Variants in ADGRL4 observed in about 807,000 individuals in gnomAD.
ADGRL4 encodes adhesion G protein-coupled receptor L4.
ADGRL4 carries 90 observed loss-of-function variants against 74.8 expected under a neutral mutation model. That is an observed-to-expected ratio of 1.20 (90% confidence interval 1.02 to 1.43). The LOEUF (loss-of-function observed/expected upper bound fraction) is 1.43. Among genes scored for constraint, ADGRL4 ranks in the 40% most tolerant of loss-of-function variants. The pLI is 0.00. For synonymous variants in ADGRL4, 311 were observed against 279.2 expected, an observed-to-expected ratio of 1.11 and a Z score of -1.14; for missense variants, 881 against 814.3, an observed-to-expected ratio of 1.08 and a Z score of -1.00.
chr1:78,896,688 T>C lies in ADGRL4; in HGVS notation c.1750-3499A>G, dbSNP rs567530449. Among the ~76,000 whole-genome samples, 6 of 152,232 alleles carry C rather than the reference T, an allele frequency of 3.9e-5. No homozygotes were observed. In the South Asian group the frequency reaches 1.2e-3, roughly 32 times the overall value. On this transcript the variant is annotated intron_variant, in intron 12 of 14. Coordinates refer to ENST00000370742, the MANE Select transcript of ADGRL4 (RefSeq NM_022159.4). ...CTGCCATCCTTATCTTCCTATAATCTATCTCATAATAACAGTCAGACTGAT... is the reference window on the plus strand; with the variant it reads ...CTGCCATCCTTATCTTCCTATAATCCATCTCATAATAACAGTCAGACTGAT...
chr1:78,910,991 G>A (rs750059723), intron 12 of ADGRL4, among the ~76,000 whole-genome samples: 7 of 151,684 alleles, frequency 4.6e-5, no homozygotes, highest in Admixed American at 1.3e-4. Context: ...TTATCTGAAC[G>A]GATTAAAAGC....
intron 6 of ADGRL4, 73 bp from the exon 7 acceptor site, chr1:78,936,484 G>C: frequency 7.9e-7 from 1 of 1,273,304 alleles, no homozygotes; most frequent in Non-Finnish European, 1.1e-6. Flanking sequence ...TATTAGCTTA[G>C]AGACAATTTC....
chr1:78,921,706 G>A lies in ADGRL4; in HGVS notation c.1164C>T (p.Gly388=). The A allele has an allele frequency of 1.9e-6, 3 of 1,604,128 alleles. No homozygotes were observed. Among genetic ancestry groups the A allele is most frequent in the Non-Finnish European group, 2.6e-6 (3 of 1,175,000 alleles). Residue 388 remains glycine, a synonymous_variant, in exon 9 of 15, where the codon GGC becomes GGT. Transcript: ENST00000370742. ...DTMNGSWSSE[G]CELTYSNETH... is the part of the protein sequence containing the mutation. ...TCTCATTTGAGTATGTCAGCTCACAGCCCTCTGAAGACCAGCTGCCATTCA... is the reference window on the plus strand; with the variant it reads ...TCTCATTTGAGTATGTCAGCTCACAACCCTCTGAAGACCAGCTGCCATTCA...
chr1:78,934,989 AG>A (rs974205270), intron 7 of ADGRL4, among the ~76,000 whole-genome samples: 42 of 152,248 alleles, frequency 2.8e-4, no homozygotes, highest in African/African-American at 9.9e-4. Context: ...TGTGGAAGAC[AG>A]TGGTGATTCC....
chr1:78,955,038 T>G (rs1254592264), intron 2 of ADGRL4, among the ~76,000 whole-genome samples: 2 of 152,122 alleles, frequency 1.3e-5, no homozygotes, highest in East Asian at 3.8e-4. Flanking sequence ...TTGATCAGCA[T>G]GGCCAAACTA....
intron 2 of ADGRL4, among the ~76,000 whole-genome samples, chr1:78,999,028 C>G (rs1650781796): frequency 6.6e-6 from 1 of 152,056 alleles, no homozygotes; most frequent in African/African-American, 2.4e-5. Flanking sequence ...AAACCTGAAA[C>G]TTACTTAATA....
intron 2 of ADGRL4, among the ~76,000 whole-genome samples, chr1:78,947,099 T>C (rs770650531): frequency 7.9e-5 from 12 of 152,280 alleles, no homozygotes; most frequent in Non-Finnish European, 1.2e-4. Flanking sequence ...GTTAAATAAA[T>C]TGATTGGAAA....
chr1:78,993,571 CATTT>C (rs1557523942), intron 2 of ADGRL4, among the ~76,000 whole-genome samples: 3 of 114,644 alleles, frequency 2.6e-5, no homozygotes, highest in Non-Finnish European at 1.9e-5. Flanking sequence ...GCAAAAATTC[CATTT>C]TTTTTTTTTT....
chr1:78,926,416 A>T (rs113236918), intron 8 of ADGRL4, among the ~76,000 whole-genome samples: 31 of 152,158 alleles, frequency 2.0e-4, no homozygotes, highest in African/African-American at 6.7e-4. Flanking sequence ...TAAAAGAGTA[A>T]AATGGTCTCC....
intron 2 of ADGRL4, among the ~76,000 whole-genome samples, chr1:78,966,973 T>A (rs1158671426): frequency 6.6e-6 from 1 of 151,906 alleles, no homozygotes; most frequent in Non-Finnish European, 1.5e-5. Flanking sequence ...AAGGATCTTA[T>A]GGGGACTGGG....
intron 1 of ADGRL4, among the ~76,000 whole-genome samples, chr1:79,005,892 T>C (rs1017687609): frequency 1.3e-5 from 2 of 152,090 alleles, no homozygotes; most frequent in Admixed American, 6.5e-5. Flanking sequence ...TAGTCAAAGA[T>C]TGATCTTCCA....
intron 2 of ADGRL4, among the ~76,000 whole-genome samples, chr1:78,976,808 A>C (rs1309432395): frequency 6.6e-6 from 1 of 150,382 alleles, no homozygotes; most frequent in Non-Finnish European, 1.5e-5. Context: ...AAAAAAAAAA[A>C]CCTCCAGACC....
chr1:78,910,018 AT>A (rs1280753440), intron 12 of ADGRL4, among the ~76,000 whole-genome samples: 2 of 151,900 alleles, frequency 1.3e-5, no homozygotes, highest in Non-Finnish European at 2.9e-5. Flanking sequence ...ATAATAGACA[AT>A]TCAGGTTTTT....
intron 1 of ADGRL4, 21 bp downstream of exon 1, chr1:79,006,612 C>G (rs1201241739): frequency 6.5e-6 from 10 of 1,536,678 alleles, no homozygotes; most frequent in Non-Finnish European, 8.8e-7. Context: ...ACCTCGGCGA[C>G]CAGGGGCGCT....
At position 78,999,832 on chromosome 1, in the gene ADGRL4, CTATCTAT is replaced by C. The variant is rs760392058; in HGVS notation, c.172+5231_172+5237del. On this transcript the variant is annotated intron_variant, in intron 2 of 14. Transcript: ENST00000370742. ...TCTATCTATCTATCTATCTATCTAT[CTATCTAT>C]CTACCTACCTACCTACCTATCAACT... 9.3e-3 allele frequency among the ~76,000 whole-genome samples: 1,403 copies of C among 150,144 alleles called. 7 individuals are homozygous for C. The highest frequency in any genetic ancestry group is 0.016 in the African/African-American group (649 of 40,354).
In ADGRL4 at chr1:78,936,383, A is replaced by G. The variant is rs1467901352; in HGVS notation, c.789T>C (p.Tyr263=). ...IALKVFFFDS[Y]NMKHIHPHMN... ...TATGAGGATGAATATGTTTCATGTT[A>G]TATGAATCAAAAAAGAAAACTTTGA... The change falls in exon 7 of 15, where the codon TAT becomes TAC. Residue 263 remains tyrosine, a synonymous_variant. Transcript: ENST00000370742. The G allele has an allele frequency of 6.4e-7, 1 of 1,570,054 alleles. No homozygotes were observed. The highest frequency in any genetic ancestry group is 1.4e-5 in the African/African-American group (1 of 71,598).
At chr1:78,997,005 A>C (rs1009712737) in intron 2 of ADGRL4, among the ~76,000 whole-genome samples, 6 of 152,192 alleles carry the variant, frequency 3.9e-5, no homozygotes, top group Non-Finnish European at 8.8e-5. Context: ...GTTCTGCAAC[A>C]ATGATTAGCA....
chr1:78,901,329 C>T (rs2100655058), intron 12 of ADGRL4, among the ~76,000 whole-genome samples: 1 of 152,240 alleles, frequency 6.6e-6, no homozygotes, highest in Non-Finnish European at 1.5e-5. Context: ...TTCACACAGG[C>T]TGATCTATAA....
At chr1:78,997,129 A>T (rs761390310) in intron 2 of ADGRL4, among the ~76,000 whole-genome samples, 2 of 152,082 alleles carry the variant, frequency 1.3e-5, no homozygotes, top group Non-Finnish European at 2.9e-5. Context: ...TTTGAGATAA[A>T]GCACAGGAGG....
Sources: gnomAD v4.1 joint callset for allele counts (sites outside exome capture counted in the v4.1 genomes callset) on GRCh38, gnomAD v4.1.1 for gene constraint, MANE v1.5 for transcripts, NCBI Gene and HGNC (gene_info 2026-07-23, HGNC 2026-07-21) for gene names.